Variants in NEDD4L observed in about 807,000 individuals in gnomAD.
The protein encoded by NEDD4L is E3 ubiquitin-protein ligase NEDD4-like.
NEDD4L carries 54 observed loss-of-function variants against 148.9 expected under a neutral mutation model. The ratio of observed to expected loss-of-function variants is 0.36; its 90% CI spans 0.29 to 0.45. NEDD4L has a LOEUF of 0.45. NEDD4L is among the 20% of genes least tolerant of loss of function. NEDD4L has a pLI of 1.00. For synonymous variants in NEDD4L, 433 were observed against 440.7 expected (o/e 0.98, Z 0.22); for missense variants, 856 against 1,233.8 (o/e 0.69, Z 4.59).
At chr18:58,061,747 A>C (rs1405065303) in intron 1 of NEDD4L, among the ~76,000 whole-genome samples, 5 of 152,246 alleles carry the variant, frequency 3.3e-5, no homozygotes, top group Admixed American at 6.5e-5. Flanking sequence ...CTCCCTGTGC[A>C]TATGAACTAT....
At chr18:58,201,238 CAGG>C (rs570623099) in intron 2 of NEDD4L, among the ~76,000 whole-genome samples, 158 of 152,102 alleles carry the variant, frequency 1.0e-3, no homozygotes, top group African/African-American at 3.7e-3. Context: ...GAAGCTGAGG[CAGG>C]AGAATTGCTT....
At chr18:58,213,871 C>A (rs482805) in intron 2 of NEDD4L, among the ~76,000 whole-genome samples, 1 of 152,010 alleles carries the variant, frequency 6.6e-6, no homozygotes, top group East Asian at 1.9e-4. Context: ...TCTGAGACCC[C>A]GTTTGCCTGC....
chr18:58,082,169 A>G (rs903565644), intron 1 of NEDD4L, among the ~76,000 whole-genome samples: 9 of 132,546 alleles, frequency 6.8e-5, no homozygotes, highest in African/African-American at 2.6e-4. Flanking sequence ...GTGCAATGGC[A>G]TGATCTCAGC....
intron 13 of NEDD4L, among the ~76,000 whole-genome samples, chr18:58,340,715 T>A (rs1322971339): frequency 2.0e-5 from 3 of 152,182 alleles, no homozygotes; most frequent in African/African-American, 7.2e-5. Context: ...GCAGTGGAAT[T>A]TAGTAGCTAG....
intron 5 of NEDD4L, among the ~76,000 whole-genome samples, chr18:58,285,207 A>G (rs919588707): frequency 1.4e-4 from 22 of 152,228 alleles, no homozygotes; most frequent in African/African-American, 4.6e-4. Context: ...CGCAGAACCC[A>G]CATCTGGTGC....
intron 26 of NEDD4L, 75 bp downstream of exon 26, chr18:58,385,661 A>G (rs533933628): frequency 8.1e-7 from 1 of 1,229,200 alleles, no homozygotes; most frequent in East Asian, 2.3e-5. Context: ...CTTCTCCTTT[A>G]GCTAGTGTGG....
At chr18:58,199,715 C>G (rs1035799341) in intron 2 of NEDD4L, among the ~76,000 whole-genome samples, 4 of 152,118 alleles carry the variant, frequency 2.6e-5, no homozygotes, top group Admixed American at 2.0e-4. Context: ...GCTAAGGATG[C>G]CTTGAGAAAC....
intron 6 of NEDD4L, among the ~76,000 whole-genome samples, chr18:58,320,162 G>A (rs549775044): frequency 2.3e-4 from 35 of 152,256 alleles, no homozygotes; most frequent in African/African-American, 7.9e-4. Flanking sequence ...TCTCTTGCAT[G>A]TTCTCTGCTG....
chr18:58,050,018 A>G (rs1301654551), intron 1 of NEDD4L, among the ~76,000 whole-genome samples: 1 of 146,220 alleles, frequency 6.8e-6, no homozygotes, highest in Non-Finnish European at 1.5e-5. Context: ...AATAGAATTT[A>G]TTTTCTTCAA....
chr18:58,345,989 C>A (rs1035806246), intron 16 of NEDD4L, among the ~76,000 whole-genome samples: 7 of 151,336 alleles, frequency 4.6e-5, no homozygotes, highest in African/African-American at 1.7e-4. Flanking sequence ...GAACTCCTGA[C>A]CTCAAGTGAT....
chr18:58,169,550 TA>T lies in NEDD4L; in HGVS notation c.122+3697del, dbSNP rs11377224. 1.2e-4 allele frequency among the ~76,000 whole-genome samples: 18 copies of T among 151,604 alleles called. No homozygotes were observed. The East Asian group carries it at 2.1e-3, about 18-fold the overall frequency. ...GTGATTTTTTTTCCCCAAAACAGCT[TA>T]AAAAAAATGCTAAGTAAAAGAAAAA... On this transcript the variant is annotated intron_variant, in intron 2 of 30. Transcript: ENST00000400345.
At chr18:58,176,076 A>G (rs1014121592) in intron 2 of NEDD4L, among the ~76,000 whole-genome samples, 1 of 152,256 alleles carries the variant, frequency 6.6e-6, no homozygotes, top group African/African-American at 2.4e-5. Context: ...TTCAGTATAC[A>G]CTAAGTGAGC....
chr18:58,177,966 T>C (rs549696425), intron 2 of NEDD4L, among the ~76,000 whole-genome samples: 3 of 152,344 alleles, frequency 2.0e-5, no homozygotes, highest in Admixed American at 2.0e-4. Context: ...CAAGCTTTTT[T>C]ATTTATTTTC....
intron 1 of NEDD4L, among the ~76,000 whole-genome samples, chr18:58,074,215 A>G (rs766600947): frequency 4.6e-5 from 7 of 151,416 alleles, no homozygotes; most frequent in Admixed American, 1.3e-4. Context: ...CATTCTCACT[A>G]CTTGTATTCT....
At chr18:58,070,239 A>C (rs2082796194) in intron 1 of NEDD4L, among the ~76,000 whole-genome samples, 1 of 151,866 alleles carries the variant, frequency 6.6e-6, no homozygotes, top group African/African-American at 2.4e-5. Flanking sequence ...GCTGACCAAA[A>C]AATTTTTTAT....
At chr18:58,244,602 T>TA (rs2047021944) in intron 2 of NEDD4L, among the ~76,000 whole-genome samples, 1 of 152,222 alleles carries the variant, frequency 6.6e-6, no homozygotes, top group Non-Finnish European at 1.5e-5. Context: ...TACTCAAATT[T>TA]ATAACTTTAG....
chr18:58,260,053 A>G (rs1035566348), intron 5 of NEDD4L, among the ~76,000 whole-genome samples: 2 of 152,094 alleles, frequency 1.3e-5, no homozygotes, highest in African/African-American at 4.8e-5. Flanking sequence ...CCACCCCTTT[A>G]TTTTAAAACA....
chr18:58,170,022 A>G (rs934601508), intron 2 of NEDD4L, among the ~76,000 whole-genome samples: 16 of 152,106 alleles, frequency 1.1e-4, no homozygotes, highest in East Asian at 9.6e-4. Context: ...TCCACGACCT[A>G]TTATAGCACA....
chr18:58,236,174 T>C (rs2045985627), intron 2 of NEDD4L, among the ~76,000 whole-genome samples: 2 of 151,952 alleles, frequency 1.3e-5, no homozygotes, highest in Non-Finnish European at 1.5e-5. Context: ...CTGGGCAACA[T>C]AGTAACCTCG....
Sources: allele counts gnomAD v4.1 joint callset (sites outside exome capture counted in the v4.1 genomes callset), GRCh38; gene constraint gnomAD v4.1.1; transcripts MANE v1.5; gene names NCBI Gene and HGNC (gene_info 2026-07-23, HGNC 2026-07-21).